The following FAM185A variants were observed in gnomAD, a reference collection of about 807,000 sequenced individuals.
FAM185A encodes the protein protein FAM185A.
FAM185A carries 21 observed loss-of-function variants against 45.7 expected under a neutral mutation model. The observed-to-expected ratio is 0.46, with a 90% CI of 0.33 to 0.66. The LOEUF is 0.66. Among genes scored for constraint, FAM185A ranks in the 30% least tolerant of loss-of-function variants. The probability of loss-of-function intolerance (pLI) is 0.03; values close to 1 mark genes in which losing one functional copy is unlikely to be tolerated. For missense variants in FAM185A, 305 were observed against 485.4 expected, an observed-to-expected ratio of 0.63 and a Z score of 3.49; for synonymous variants, 117 against 194.0, an observed-to-expected ratio of 0.60 and a Z score of 3.30.
the FAM185A span, chr7:102,834,473 A>ATGTGTG: frequency 6.4e-5 from 9 of 141,544 alleles, no homozygotes; most frequent in African/African-American, 2.4e-4. Flanking sequence ...ATATATATAT[A>ATGTGTG]TGTGATGTGG....
chr7:102,795,618 A>G (rs372991477), intron 7 of FAM185A, among the ~76,000 whole-genome samples: 75 of 150,736 alleles, frequency 5.0e-4, no homozygotes, highest in South Asian at 1.9e-3. Flanking sequence ...GTCGATAAAG[A>G]TCAAGACAGG....
downstream of FAM185A, among the ~76,000 whole-genome samples, chr7:102,809,736 T>C (rs574958257): frequency 6.6e-5 from 10 of 152,166 alleles, no homozygotes; most frequent in Non-Finnish European, 1.0e-4. Flanking sequence ...ATAAGTTATA[T>C]AATACTATAA....
the FAM185A span, among the ~76,000 whole-genome samples, chr7:102,840,373 TAAG>T: frequency 2.6e-5 from 4 of 152,256 alleles, no homozygotes; most frequent in Admixed American, 1.3e-4. Context: ...TACATTTCTC[TAAG>T]TTTATTTCAA....
At chr7:102,802,358 G>A (rs1796847951) in intron 7 of FAM185A, among the ~76,000 whole-genome samples, 1 of 152,122 alleles carries the variant, frequency 6.6e-6, no homozygotes, top group Non-Finnish European at 1.5e-5. Flanking sequence ...GACCACAGTG[G>A]AATAAAACTG....
Position 102,808,338 on chromosome 7 carries a change from C to T in FAM185A, c.1115C>T (p.Ala372Val), listed in dbSNP as rs569953104. ...CGTGAAAAATGGATTAAGGCTGATGCCCCAAAAGGCACTGTAAGTTTTAGA... is the reference window on the plus strand; with the variant it reads ...CGTGAAAAATGGATTAAGGCTGATGTCCCAAAAGGCACTGTAAGTTTTAGA... Reference protein sequence around the residue: ...SKREKWIKADAPKGTVSFRRQ... With the variant: ...SKREKWIKADVPKGTVSFRRQ... Residue 372 changes from alanine (A) to valine (V), a missense_variant, in exon 8 of 8, where the codon GCC (alanine) becomes GTC (valine). Physicochemically the swap from Ala to Val is moderately conservative, Grantham distance 64 (BLOSUM62 0). Around this residue, in one of 5 missense-constraint regions of FAM185A, gnomAD observed 66 missense variants for 74.6 expected, o/e 0.89. Transcript: ENST00000413034. The T allele has an allele frequency of 3.9e-6, 6 of 1,551,698 alleles. No individual in the cohort carries two copies. In the African/African-American group the frequency reaches 6.8e-5, roughly 18 times the overall value.
chr7:102,829,834 C>T, the FAM185A span, among the ~76,000 whole-genome samples: 3 of 152,090 alleles, frequency 2.0e-5, no homozygotes, highest in African/African-American at 7.2e-5. Flanking sequence ...ATGTGTTTTA[C>T]GGCTCATCAA....
At chr7:102,757,645 A>G (rs1416966309) in intron 2 of FAM185A, among the ~76,000 whole-genome samples, 1 of 152,208 alleles carries the variant, frequency 6.6e-6, no homozygotes, top group Non-Finnish European at 1.5e-5. Flanking sequence ...TTTCCCTTAG[A>G]GTCCAAGTGG....
the FAM185A span, among the ~76,000 whole-genome samples, chr7:102,839,597 G>A: frequency 6.6e-6 from 1 of 152,074 alleles, no homozygotes; most frequent in Admixed American, 6.6e-5. Flanking sequence ...ACAGGTGTCT[G>A]CCACCACGCC....
chr7:102,820,772 A>C, the FAM185A span, among the ~76,000 whole-genome samples: 6 of 152,356 alleles, frequency 3.9e-5, no homozygotes, highest in South Asian at 1.2e-3. Context: ...CATGATAACT[A>C]ACTCACTTCC....
chr7:102,758,487 A>G (rs1251351050), intron 3 of FAM185A, among the ~76,000 whole-genome samples: 1 of 94,466 alleles, frequency 1.1e-5, no homozygotes, highest in African/African-American at 4.1e-5. Context: ...TTTTGTTGTT[A>G]TAGGAAGATA....
At chr7:102,761,603 G>C (rs1457654112) in intron 4 of FAM185A, among the ~76,000 whole-genome samples, 192 bp downstream of exon 4, 1 of 150,398 alleles carries the variant, frequency 6.6e-6, no homozygotes, top group African/African-American at 2.4e-5. Context: ...ATTTGTGCAA[G>C]AGATTAAAGA....
At chr7:102,847,207 GA>G in the FAM185A span, among the ~76,000 whole-genome samples, 4,687 of 141,670 alleles carry the variant, frequency 0.033, 186 homozygotes, top group East Asian at 0.16. Context: ...AACTTTACAG[GA>G]AAAAAAAAAA....
chr7:102,799,960 A>G (rs1796682477), intron 7 of FAM185A, among the ~76,000 whole-genome samples: 1 of 152,150 alleles, frequency 6.6e-6, no homozygotes, highest in Non-Finnish European at 1.5e-5. Flanking sequence ...CAGGAAACCT[A>G]AGAGGACCCA....
At chr7:102,762,443 A>G (rs1008664416) in intron 4 of FAM185A, among the ~76,000 whole-genome samples, 3 of 152,180 alleles carry the variant, frequency 2.0e-5, no homozygotes, top group African/African-American at 4.8e-5. Flanking sequence ...TCACTAATCC[A>G]GTATAAAACA....
At chr7:102,821,920 A>G in the FAM185A span, 6 of 1,148,622 alleles carry the variant, frequency 5.2e-6, no homozygotes, top group Non-Finnish European at 6.1e-6. Flanking sequence ...GGCAAAAAAT[A>G]AAATGAAATG....
At chr7:102,777,714 C>G (rs1795153753) in intron 6 of FAM185A, among the ~76,000 whole-genome samples, 1 of 152,278 alleles carries the variant, frequency 6.6e-6, no homozygotes. Flanking sequence ...TCTCTGCCAG[C>G]CTGTAAAAGG....
chr7:102,757,632 G>C (rs1476024891), intron 2 of FAM185A, among the ~76,000 whole-genome samples: 1 of 152,178 alleles, frequency 6.6e-6, no homozygotes, highest in Non-Finnish European at 1.5e-5. Flanking sequence ...AGTATCTCTT[G>C]TTTTTCCCTT....
the FAM185A span, among the ~76,000 whole-genome samples, chr7:102,818,500 AG>A: frequency 6.6e-6 from 1 of 152,238 alleles, no homozygotes; most frequent in South Asian, 2.1e-4. Context: ...TGATAATAAA[AG>A]TCAACAGCTC....
chr7:102,832,121 A>T, the FAM185A span, among the ~76,000 whole-genome samples: 1 of 152,242 alleles, frequency 6.6e-6, no homozygotes, highest in Non-Finnish European at 1.5e-5. Context: ...TGGTGACAGG[A>T]CAATGGATAT....
Sources: allele counts gnomAD v4.1 joint callset (sites outside exome capture counted in the v4.1 genomes callset), GRCh38; gene constraint gnomAD v4.1.1; regional missense constraint gnomAD v4.1.1; transcripts MANE v1.5; gene names NCBI Gene and HGNC (gene_info 2026-07-23, HGNC 2026-07-21).